Variants in CSMD1 observed in about 807,000 individuals in gnomAD.
CSMD1 encodes the protein CUB and sushi domain-containing protein 1.
A neutral mutation model predicts 417.5 loss-of-function variants in CSMD1; 213 were observed. That is an observed-to-expected ratio of 0.51 (90% CI 0.46 to 0.57). The LOEUF (loss-of-function observed/expected upper bound fraction) is 0.57. Ranked by LOEUF, CSMD1 falls within the 20% of genes least tolerant of loss-of-function variation. The pLI is 0.00. For synonymous variants in CSMD1, 2,862 were observed against 1,736.8 expected (o/e 1.65, Z -16.11); for missense variants, 6,923 against 4,529.7 (o/e 1.53, Z -15.17).
intron 5 of CSMD1, among the ~76,000 whole-genome samples, chr8:3,955,212 G>C (rs553401635): frequency 6.6e-6 from 1 of 152,036 alleles, no homozygotes. Context: ...CCTTGAATGC[G>C]CCTCTCTCTC....
intron 1 of CSMD1, among the ~76,000 whole-genome samples, chr8:4,776,409 G>A (rs1308422289): frequency 6.6e-6 from 1 of 152,042 alleles, no homozygotes; most frequent in Non-Finnish European, 1.5e-5. Flanking sequence ...TTATTCTTAT[G>A]GTGCCTCTAG....
chr8:3,338,803 C>A (rs1807446277), intron 23 of CSMD1, among the ~76,000 whole-genome samples: 1 of 148,680 alleles, frequency 6.7e-6, no homozygotes, highest in Admixed American at 6.7e-5. Context: ...TGTTCATCTC[C>A]AGCCTTTCTT....
At chr8:3,018,413 C>T in intron 52 of CSMD1, 64 bp downstream of exon 52, 2 of 1,477,458 alleles carry the variant, frequency 1.4e-6, no homozygotes, top group Non-Finnish European at 1.9e-6. Context: ...ATGTGTTACA[C>T]AGCTGTAATC....
chr8:3,661,442 T>A (rs537034377), intron 7 of CSMD1, among the ~76,000 whole-genome samples: 1 of 152,314 alleles, frequency 6.6e-6, no homozygotes, highest in African/African-American at 2.4e-5. Context: ...TCTCTGAATC[T>A]GCTGTGATTC....
chr8:3,208,871 C>T (rs1797446254), intron 30 of CSMD1, among the ~76,000 whole-genome samples: 1 of 152,166 alleles, frequency 6.6e-6, no homozygotes, highest in African/African-American at 2.4e-5. Flanking sequence ...AGTTTTGGGA[C>T]TCGGAATGGC....
intron 3 of CSMD1, among the ~76,000 whole-genome samples, chr8:4,093,350 T>A (rs925887130): frequency 6.6e-6 from 1 of 152,172 alleles, no homozygotes; most frequent in African/African-American, 2.4e-5. Flanking sequence ...TGTAGAAGAA[T>A]AATGAAAGTT....
intron 8 of CSMD1, among the ~76,000 whole-genome samples, chr8:3,594,193 G>C (rs531561049): frequency 6.6e-6 from 1 of 152,056 alleles, no homozygotes; most frequent in Non-Finnish European, 1.5e-5. Context: ...ATTTACGGCC[G>C]TCCCCAAATG....
intron 12 of CSMD1, among the ~76,000 whole-genome samples, chr8:3,437,631 G>A (rs1002760374): frequency 6.6e-6 from 1 of 152,196 alleles, no homozygotes; most frequent in Admixed American, 6.5e-5. Flanking sequence ...TTACATAGAA[G>A]ATGGTTGTGA....
chr8:2,949,291 C>A lies in CSMD1; in HGVS notation c.10402+8G>T, dbSNP rs754490630. 10 of 1,520,212 alleles carry A rather than the reference C, an allele frequency of 6.6e-6. No individual in the cohort carries two copies. Among genetic ancestry groups the A allele is most frequent in the Non-Finnish European group, 8.2e-6 (9 of 1,098,484 alleles). The allele number at this position is 1,520,212 out of a possible 1,614,324, so 94.2% of individuals were successfully genotyped here. A position where few individuals can be genotyped will look rare whatever the true frequency, so the allele number is the denominator to read the frequency against. On this transcript the variant is annotated splice_region_variant and intron_variant, in intron 68 of 69. Transcript: ENST00000635120. ...TTTGCTTTAAAATATATCCTAAGTG[C>A]AACTTACCTTGCCTTTCTAGCTTAA...
chr8:3,494,585 TAGATAGATAG>T (rs1178425085), intron 10 of CSMD1, among the ~76,000 whole-genome samples: 2 of 151,530 alleles, frequency 1.3e-5, no homozygotes, highest in African/African-American at 4.9e-5. Flanking sequence ...GATAGATAGA[TAGATAGATAG>T]ATAGATAGAT....
intron 41 of CSMD1, among the ~76,000 whole-genome samples, chr8:3,130,134 G>A (rs1817717795): frequency 6.6e-6 from 1 of 151,966 alleles, no homozygotes; most frequent in African/African-American, 2.4e-5. Flanking sequence ...TTTTCTTATT[G>A]GCTCAGATAT....
chr8:3,354,024 AG>A (rs528385639), intron 21 of CSMD1, among the ~76,000 whole-genome samples: 143 of 152,358 alleles, frequency 9.4e-4, no homozygotes, highest in African/African-American at 3.4e-3. Context: ...ACAGACGTGG[AG>A]GCTAGGAAGC....
At chr8:3,700,976 AC>A (rs748483480) in intron 7 of CSMD1, among the ~76,000 whole-genome samples, 8 of 151,576 alleles carry the variant, frequency 5.3e-5, no homozygotes, top group Non-Finnish European at 1.0e-4. Flanking sequence ...ACATGATGAT[AC>A]AGGTGAGGGG....
chr8:3,979,279 G>T (rs1395307717), intron 5 of CSMD1, among the ~76,000 whole-genome samples: 2 of 152,184 alleles, frequency 1.3e-5, no homozygotes, highest in African/African-American at 2.4e-5. Context: ...ATTGCAATGT[G>T]CTCTAATTTG....
intron 5 of CSMD1, among the ~76,000 whole-genome samples, chr8:3,936,095 C>A (rs1810472309): frequency 6.6e-6 from 1 of 151,626 alleles, no homozygotes; most frequent in South Asian, 2.1e-4. Flanking sequence ...TTTTCTTAAG[C>A]CAAAGCCTAA....
chr8:4,254,493 T>C (rs146848417), intron 3 of CSMD1, among the ~76,000 whole-genome samples: 321 of 152,276 alleles, frequency 2.1e-3, no homozygotes, highest in African/African-American at 7.2e-3. Context: ...GTGCAATTAC[T>C]TTTTTATACA....
At chr8:3,496,849 A>C (rs1796385011) in intron 10 of CSMD1, among the ~76,000 whole-genome samples, 1 of 152,070 alleles carries the variant, frequency 6.6e-6, no homozygotes, top group African/African-American at 2.4e-5. Flanking sequence ...ATTATGTTTA[A>C]ATTTTGTTCT....
rs752085333 is a variant in CSMD1 at position 3,367,204 on chromosome 8, G to T, written c.2943C>A (p.His981Gln). 9 of 1,613,308 alleles carry T rather than the reference G, an allele frequency of 5.6e-6. No individual in the cohort carries two copies. Among genetic ancestry groups the T allele is most frequent in the Non-Finnish European group, 6.8e-6 (8 of 1,179,676 alleles). ...CATCCTCTGTGATCAGTAAATAGTC[G>T]TGGGAACTCTCAAGATGAAAGGTGT... ...IFHTFHLESSHDYLLITEDGS... is the reference protein window; with the variant it reads ...IFHTFHLESSQDYLLITEDGS... Residue 981 changes from histidine to glutamine, a missense_variant, in exon 20 of 70, where the codon CAC (histidine) becomes CAA (glutamine). Coordinates refer to ENST00000635120, the MANE Select transcript of CSMD1 (RefSeq NM_033225.6).
intron 6 of CSMD1, among the ~76,000 whole-genome samples, chr8:3,731,709 G>A (rs1021625276): frequency 6.6e-6 from 1 of 152,156 alleles, no homozygotes; most frequent in Admixed American, 6.6e-5. Flanking sequence ...ATGGGTCAGA[G>A]GCTTAGAGCA....
Sources: allele counts gnomAD v4.1 joint callset (sites outside exome capture counted in the v4.1 genomes callset), GRCh38; gene constraint gnomAD v4.1.1; transcripts MANE v1.5; gene names NCBI Gene and HGNC (gene_info 2026-07-23, HGNC 2026-07-21).